The following OPCML variants were observed in gnomAD, a reference collection of about 807,000 sequenced individuals.
OPCML encodes opioid-binding protein/cell adhesion molecule.
A neutral mutation model predicts 37.8 loss-of-function variants in OPCML; 13 were observed. The ratio of observed to expected loss-of-function variants is 0.34; its 90% CI spans 0.22 to 0.55. The LOEUF (loss-of-function observed/expected upper bound fraction) is 0.55, where lower values mean the gene tolerates loss of function less well. Ranked by LOEUF, OPCML falls within the 20% of genes least tolerant of loss-of-function variation. The pLI is 0.91. For missense variants in OPCML, 341 were observed against 435.6 expected (o/e 0.78, Z 1.93); for synonymous variants, 176 against 168.8 (o/e 1.04, Z -0.33).
chr11:132,758,084 G>C (rs1946121853), intron 2 of OPCML, among the ~76,000 whole-genome samples: 1 of 152,082 alleles, frequency 6.6e-6, no homozygotes, highest in Non-Finnish European at 1.5e-5. Flanking sequence ...GTTTTTGTCA[G>C]GTTTGTCAAA....
chr11:132,622,191 C>T (rs544456587), intron 3 of OPCML, among the ~76,000 whole-genome samples: 2 of 151,730 alleles, frequency 1.3e-5, no homozygotes, highest in South Asian at 2.1e-4. Flanking sequence ...GTTGACAAAG[C>T]TTTAGTCCGG....
chr11:132,994,528 G>A (rs1292792504), intron 1 of OPCML, among the ~76,000 whole-genome samples: 1 of 152,084 alleles, frequency 6.6e-6, no homozygotes. Context: ...CTTCGAGGGG[G>A]CCAAGGTAGT....
rs558707652 is a variant in OPCML at position 133,491,304 on chromosome 11, C to T, written c.61+40960G>A. Among the ~76,000 whole-genome samples the T allele has an allele frequency of 7.2e-5, 11 of 152,312 alleles. No homozygotes were observed. The South Asian group carries it at 2.3e-3, about 32-fold the overall frequency. On this transcript the variant is annotated intron_variant, in intron 1 of 7. Transcript: ENST00000524381. ...TCCTAGTCACTTTACACCTTCCCCT[C>T]AGCATCACACAGCCTTGAAAAATGT...
chr11:132,726,924 T>C (rs1309681561), intron 2 of OPCML, among the ~76,000 whole-genome samples: 1 of 152,098 alleles, frequency 6.6e-6, no homozygotes, highest in African/African-American at 2.4e-5. Context: ...TATAAAATAA[T>C]CCTACAGTAA....
rs1945655946 is a variant in OPCML, at chr11:132,746,988, C to T, written c.147-89669G>A. Among the ~76,000 whole-genome samples the T allele has an allele frequency of 2.0e-5, 3 of 152,066 alleles. No homozygotes were observed. In the South Asian group the frequency reaches 6.2e-4, roughly 31 times the overall value. On this transcript the variant is annotated intron_variant, in intron 2 of 7. Coordinates refer to ENST00000524381, the MANE Select transcript of OPCML (RefSeq NM_001012393.5). ...AGTTTTCCTACCTGTAAAATGGTAA[C>T]AACATTAAGTCCTACCTCAGATTAC...
chr11:132,587,999 C>A (rs1386692933), intron 3 of OPCML, among the ~76,000 whole-genome samples: 1 of 152,112 alleles, frequency 6.6e-6, no homozygotes, highest in Non-Finnish European at 1.5e-5. Flanking sequence ...TGCAGGGCCT[C>A]CCCTTGGGGA....
At chr11:133,419,166 T>C (rs965314899) in intron 1 of OPCML, 1 of 800,326 alleles carries the variant, frequency 1.2e-6, no homozygotes, top group African/African-American at 1.9e-5. Flanking sequence ...TCTACTGCAA[T>C]AGCACAGTCT....
intron 1 of OPCML, among the ~76,000 whole-genome samples, chr11:132,990,135 C>T (rs1946749635): frequency 1.3e-5 from 2 of 152,204 alleles, no homozygotes; most frequent in African/African-American, 4.8e-5. Flanking sequence ...AGTGCCATAA[C>T]CATGACTGAA....
At chr11:132,659,091 A>C (rs7105439) in intron 2 of OPCML, among the ~76,000 whole-genome samples, 2,062 of 152,294 alleles carry the variant, frequency 0.014, 37 homozygotes, top group African/African-American at 0.035. Flanking sequence ...TGATTCTTTC[A>C]CATCATTATA....
intron 3 of OPCML, among the ~76,000 whole-genome samples, chr11:132,619,232 C>G (rs919259616): frequency 6.6e-6 from 1 of 152,112 alleles, no homozygotes; most frequent in Admixed American, 6.5e-5. Flanking sequence ...CCAAGTAGGC[C>G]GGGCCTGCCC....
intron 1 of OPCML, among the ~76,000 whole-genome samples, chr11:133,199,105 C>G (rs78578108): frequency 4.6e-5 from 7 of 151,920 alleles, no homozygotes; most frequent in Non-Finnish European, 1.0e-4. Flanking sequence ...CTGTAAACAA[C>G]GGGGGGCTCT....
At chr11:133,518,733 C>T (rs905161806) in intron 1 of OPCML, among the ~76,000 whole-genome samples, 2 of 112,968 alleles carry the variant, frequency 1.8e-5, no homozygotes, top group African/African-American at 1.5e-4. Context: ...GGGGCTGTGG[C>T]GTGGACAGTG....
chr11:133,178,732 G>A (rs1592077453), intron 1 of OPCML, among the ~76,000 whole-genome samples: 1 of 152,220 alleles, frequency 6.6e-6, no homozygotes, highest in East Asian at 1.9e-4. Context: ...CAAGTGAGAA[G>A]GGCATTCAGC....
intron 2 of OPCML, among the ~76,000 whole-genome samples, chr11:132,667,674 G>A (rs1591699635): frequency 6.6e-6 from 1 of 152,300 alleles, no homozygotes; most frequent in East Asian, 1.9e-4. Context: ...CTATGGGAAA[G>A]CCAGGAGGCA....
intron 1 of OPCML, among the ~76,000 whole-genome samples, chr11:133,214,802 A>G (rs1939515502): frequency 6.6e-6 from 1 of 152,152 alleles, no homozygotes; most frequent in African/African-American, 2.4e-5. Context: ...CTGAATGTAA[A>G]GTGGCTTTCA....
At chr11:132,588,995 C>G (rs1591593007) in intron 3 of OPCML, among the ~76,000 whole-genome samples, 1 of 152,162 alleles carries the variant, frequency 6.6e-6, no homozygotes, top group Non-Finnish European at 1.5e-5. Context: ...TATGTTGAGT[C>G]TCTATAATTC....
intron 1 of OPCML, among the ~76,000 whole-genome samples, chr11:133,531,952 A>G (rs975066982): frequency 6.6e-6 from 1 of 152,262 alleles, no homozygotes; most frequent in African/African-American, 2.4e-5. Flanking sequence ...CCCCAGGACC[A>G]CAGCTGGTTA....
chr11:133,326,634 T>G, intron 1 of OPCML, among the ~76,000 whole-genome samples: 1 of 100,980 alleles, frequency 9.9e-6, no homozygotes, highest in South Asian at 3.7e-4. Flanking sequence ...GGTGGGTGTA[T>G]GTGGGTGTTG....
chr11:133,086,320 G>A (rs1373292743), intron 1 of OPCML, among the ~76,000 whole-genome samples: 1 of 152,074 alleles, frequency 6.6e-6, no homozygotes, highest in African/African-American at 2.4e-5. Context: ...AAAATGTGAT[G>A]TGATTTTTTT....
Sources: gnomAD v4.1 joint callset for allele counts (sites outside exome capture counted in the v4.1 genomes callset) on GRCh38, gnomAD v4.1.1 for gene constraint, MANE v1.5 for transcripts, NCBI Gene and HGNC (gene_info 2026-07-23, HGNC 2026-07-21) for gene names.